The following CCBE1 variants were observed in gnomAD, a reference collection of about 807,000 sequenced individuals.
CCBE1 encodes collagen and calcium-binding EGF domain-containing protein 1.
CCBE1 carries 37 observed loss-of-function variants against 50.0 expected under a neutral mutation model. That is an observed-to-expected ratio of 0.74 (90% CI 0.57 to 0.97). CCBE1 has a LOEUF of 0.97. CCBE1 is among the 50% of genes least tolerant of loss of function. The pLI is 0.00. For synonymous variants in CCBE1, 234 were observed against 203.7 expected (o/e 1.15, Z -1.27); for missense variants, 538 against 523.8 (o/e 1.03, Z -0.26).
At chr18:59,675,226 G>A (rs985138598) in intron 2 of CCBE1, among the ~76,000 whole-genome samples, 2 of 152,168 alleles carry the variant, frequency 1.3e-5, no homozygotes, top group Admixed American at 6.5e-5. Flanking sequence ...ACTGCCAATG[G>A]TGTTCTCTAG....
intron 2 of CCBE1, among the ~76,000 whole-genome samples, chr18:59,537,386 C>T (rs1212634708): frequency 1.3e-5 from 2 of 152,058 alleles, no homozygotes; most frequent in Non-Finnish European, 2.9e-5. Context: ...GTGGGAAGGA[C>T]CTGGTGAAAG....
intron 2 of CCBE1, among the ~76,000 whole-genome samples, chr18:59,498,735 T>G (rs1254440665): frequency 1.3e-5 from 2 of 152,224 alleles, no homozygotes; most frequent in Non-Finnish European, 2.9e-5. Flanking sequence ...TGGCTTTTTC[T>G]GAGGTCTGTG....
chr18:59,439,434 T>A, intron 9 of CCBE1, 109 bp downstream of exon 9: 2 of 1,372,402 alleles, frequency 1.5e-6, no homozygotes, highest in Non-Finnish European at 2.1e-6. Flanking sequence ...GCCATTGCAC[T>A]CCAGCCTGGG....
At chr18:59,554,911 C>T (rs556653930) in intron 2 of CCBE1, among the ~76,000 whole-genome samples, 2 of 152,316 alleles carry the variant, frequency 1.3e-5, no homozygotes, top group African/African-American at 2.4e-5. Flanking sequence ...GTAGTCAGAC[C>T]GCAGGTCTCT....
At chr18:59,610,583 TTGTC>T (rs1198403915) in intron 2 of CCBE1, among the ~76,000 whole-genome samples, 2 of 152,194 alleles carry the variant, frequency 1.3e-5, no homozygotes, top group East Asian at 1.9e-4. Flanking sequence ...TTTAAACAGA[TTGTC>T]TGAGTGCTCC....
intron 9 of CCBE1, among the ~76,000 whole-genome samples, chr18:59,438,922 G>C (rs140212480): frequency 0.028 from 4,210 of 152,180 alleles, 87 homozygotes; most frequent in South Asian, 0.052. Flanking sequence ...GGCTGAGACG[G>C]GCAGATCACC....
At chr18:59,637,927 A>C (rs1452924341) in intron 2 of CCBE1, among the ~76,000 whole-genome samples, 1 of 152,296 alleles carries the variant, frequency 6.6e-6, no homozygotes, top group East Asian at 1.9e-4. Context: ...AAATAATCCT[A>C]GTTTACACAA....
At chr18:59,642,025 A>C (rs2053997473) in intron 2 of CCBE1, among the ~76,000 whole-genome samples, 1 of 152,196 alleles carries the variant, frequency 6.6e-6, no homozygotes, top group Non-Finnish European at 1.5e-5. Context: ...TGTATAAACC[A>C]TGAAGGAAAA....
chr18:59,519,815 T>G (rs61037364), intron 2 of CCBE1, among the ~76,000 whole-genome samples: 15,102 of 152,256 alleles, frequency 0.099, 1,774 homozygotes, highest in African/African-American at 0.28. Context: ...GTCTTACATT[T>G]AAGTCTGTAG....
Position 59,583,680 on chromosome 18 carries a change from TGCGCGCGC to T in CCBE1, c.213-103450_213-103443del, listed in dbSNP as rs35460738. 5.2e-3 allele frequency among the ~76,000 whole-genome samples: 310 copies of T among 59,412 alleles called. 1 individual carries two copies. The East Asian group carries it at 0.076, about 15-fold the overall frequency. The allele number at this position is 59,412 out of a possible 152,430, so 39.0% of individuals were successfully genotyped here. A position where few individuals can be genotyped will look rare whatever the true frequency, so the allele number is the denominator to read the frequency against. Reference sequence around the variant, plus strand: ...GTGTGTGTGTGTGTGTGTGTGTGTGTGCGCGCGCGCGCGCGCGCGCGTGTGTGTGTATG... The same window carrying T: ...GTGTGTGTGTGTGTGTGTGTGTGTGTGCGCGCGCGCGCGTGTGTGTGTATG... On this transcript the variant is annotated intron_variant, in intron 2 of 10. Transcript: ENST00000439986.
chr18:59,619,889 C>T (rs908010384), intron 2 of CCBE1, among the ~76,000 whole-genome samples: 10 of 152,118 alleles, frequency 6.6e-5, no homozygotes, highest in African/African-American at 2.4e-4. Flanking sequence ...TCCTAGTGGT[C>T]CACATCACTG....
At chr18:59,593,460 A>G (rs1193529081) in intron 2 of CCBE1, among the ~76,000 whole-genome samples, 1 of 152,370 alleles carries the variant, frequency 6.6e-6, no homozygotes, top group African/African-American at 2.4e-5. Context: ...TCCAGTACCA[A>G]CTGTAAATTC....
In CCBE1 at chr18:59,434,087, A is replaced by G. The variant is rs1910047493; in HGVS notation, c.*1821T>C. The G allele has an allele frequency of 6.6e-6, 1 of 150,552 alleles. No homozygotes were observed. The highest frequency in any genetic ancestry group is 2.5e-5 in the African/African-American group (1 of 40,700). The allele number at this position is 150,552 out of a possible 1,614,324, so 9.3% of individuals were successfully genotyped here. ...GTATTTTTAGTAGAGACAGGGTTTC[A>G]CCATGTTGGTCAGGCTGGTCTCGAT... On this transcript the variant is annotated 3_prime_UTR_variant, in exon 11 of 11. Transcript: ENST00000439986.
rs1568260486 is a variant in CCBE1, at chr18:59,661,260, A to G, written c.212+35369T>C. Among the ~76,000 whole-genome samples, 4 of 152,314 alleles carry G rather than the reference A, an allele frequency of 2.6e-5. 1 individual carries two copies. In the East Asian group the frequency reaches 5.8e-4, roughly 22 times the overall value. ...GTAATTTGTGCAACTGAGCTTATTT[A>G]TTTACAATAACTCACTGAAGAAGCT... On this transcript the variant is annotated intron_variant, in intron 2 of 10. Transcript: ENST00000439986.
At chr18:59,647,912 AT>A (rs1194323685) in intron 2 of CCBE1, among the ~76,000 whole-genome samples, 2 of 152,362 alleles carry the variant, frequency 1.3e-5, no homozygotes, top group Admixed American at 6.5e-5. Context: ...ACAGTAAGTT[AT>A]CTACTAGATT....
intron 2 of CCBE1, among the ~76,000 whole-genome samples, chr18:59,693,285 T>C (rs1218777214): frequency 2.0e-5 from 3 of 152,106 alleles, no homozygotes; most frequent in Non-Finnish European, 4.4e-5. Context: ...TTCATGTAAA[T>C]TATGTAATGC....
intron 2 of CCBE1, among the ~76,000 whole-genome samples, chr18:59,513,996 G>A (rs1430885592): frequency 6.6e-6 from 1 of 152,160 alleles, no homozygotes; most frequent in East Asian, 1.9e-4. Context: ...GACCCCAGTA[G>A]CCACAACGAG....
At chr18:59,645,538 G>T (rs2054044324) in intron 2 of CCBE1, among the ~76,000 whole-genome samples, 1 of 152,070 alleles carries the variant, frequency 6.6e-6, no homozygotes, top group Non-Finnish European at 1.5e-5. Flanking sequence ...TTCCATCAAG[G>T]TCTCTCTACT....
At chr18:59,488,167 T>TG (rs1912912202) in intron 2 of CCBE1, among the ~76,000 whole-genome samples, 1 of 152,112 alleles carries the variant, frequency 6.6e-6, no homozygotes, top group Admixed American at 6.5e-5. Context: ...AGTGGAAGCG[T>TG]GGTTGCCAGG....
Sources: gnomAD v4.1 joint callset for allele counts (sites outside exome capture counted in the v4.1 genomes callset) on GRCh38, gnomAD v4.1.1 for gene constraint, MANE v1.5 for transcripts, NCBI Gene and HGNC (gene_info 2026-07-23, HGNC 2026-07-21) for gene names.